The following CNTNAP2 variants were observed in gnomAD, a reference collection of about 807,000 sequenced individuals.
CNTNAP2 encodes the protein contactin-associated protein-like 2.
Under a neutral mutation model 155.2 loss-of-function variants are expected in CNTNAP2, and 98 were observed. That is an observed-to-expected ratio of 0.63 (90% confidence interval 0.54 to 0.75). The LOEUF (loss-of-function observed/expected upper bound fraction) is 0.75, where lower values mean the gene tolerates loss of function less well. Ranked by LOEUF, CNTNAP2 falls within the 30% of genes least tolerant of loss-of-function variation. The pLI is 0.00. For synonymous variants in CNTNAP2, 651 were observed against 631.2 expected (o/e 1.03, Z -0.47); for missense variants, 1,727 against 1,688.1 (o/e 1.02, Z -0.40).
In CNTNAP2 at chr7:147,076,892, A is replaced by G. The variant is rs560144410; in HGVS notation, c.551-31255A>G. Among the ~76,000 whole-genome samples, 4 of 152,318 alleles carry G rather than the reference A, an allele frequency of 2.6e-5. No individual in the cohort carries two copies. In the South Asian group the frequency reaches 6.2e-4, roughly 24 times the overall value. Reference sequence around the variant, plus strand: ...AGGTCAAACTAGCTATTTGCATTTTAAAATAGCTACTTCTCTTTTAATGGA... The same window carrying G: ...AGGTCAAACTAGCTATTTGCATTTTGAAATAGCTACTTCTCTTTTAATGGA... On this transcript the variant is annotated intron_variant, in intron 4 of 23. Coordinates refer to ENST00000361727, the MANE Select transcript of CNTNAP2 (RefSeq NM_014141.6).
intron 13 of CNTNAP2, among the ~76,000 whole-genome samples, chr7:147,717,340 A>G (rs1796496173): frequency 6.6e-6 from 1 of 152,122 alleles, no homozygotes; most frequent in Admixed American, 6.6e-5. Context: ...GGCCAACACT[A>G]ATAATTAGGC....
At chr7:146,630,288 C>G (rs1352944827) in intron 1 of CNTNAP2, among the ~76,000 whole-genome samples, 1 of 152,098 alleles carries the variant, frequency 6.6e-6, no homozygotes, top group African/African-American at 2.4e-5. Flanking sequence ...CCAGCTTCAT[C>G]CATGTCCCTG....
At chr7:147,925,524 T>C (rs1371845503) in intron 14 of CNTNAP2, among the ~76,000 whole-genome samples, 1 of 152,072 alleles carries the variant, frequency 6.6e-6, no homozygotes, top group African/African-American at 2.4e-5. Context: ...TGAAGTGCAG[T>C]GGCGTGATCT....
intron 19 of CNTNAP2, among the ~76,000 whole-genome samples, chr7:148,221,442 G>T (rs1269093573): frequency 6.6e-6 from 1 of 152,150 alleles, no homozygotes; most frequent in Admixed American, 6.5e-5. Flanking sequence ...CTCCAGGGCA[G>T]GCATCTCTGG....
chr7:146,965,782 A>G (rs1404603924), intron 3 of CNTNAP2, among the ~76,000 whole-genome samples: 2 of 152,182 alleles, frequency 1.3e-5, no homozygotes. Context: ...AATGACTAAG[A>G]ATTAGACACA....
intron 1 of CNTNAP2, among the ~76,000 whole-genome samples, chr7:146,163,141 G>A (rs1190092994): frequency 6.6e-6 from 1 of 151,864 alleles, no homozygotes; most frequent in South Asian, 2.1e-4. Context: ...ATGTACCCTA[G>A]AACTTAAAGT....
intron 14 of CNTNAP2, among the ~76,000 whole-genome samples, chr7:147,934,751 T>C (rs1479463132): frequency 6.6e-6 from 1 of 152,314 alleles, no homozygotes; most frequent in Admixed American, 6.5e-5. Flanking sequence ...TCAGAGACTT[T>C]AAATGAATAT....
chr7:147,121,331 C>A, intron 6 of CNTNAP2, 168 bp downstream of exon 6: 1 of 652,086 alleles, frequency 1.5e-6, no homozygotes, highest in South Asian at 2.0e-5. Flanking sequence ...CATTTTATTT[C>A]TAAATTTATA....
At chr7:147,234,123 A>G (rs923058711) in intron 8 of CNTNAP2, among the ~76,000 whole-genome samples, 1 of 151,892 alleles carries the variant, frequency 6.6e-6, no homozygotes, top group Non-Finnish European at 1.5e-5. Flanking sequence ...AGAATACTGA[A>G]GAATAAACTT....
chr7:148,235,674 G>A (rs1439429196), intron 20 of CNTNAP2, among the ~76,000 whole-genome samples: 1 of 146,276 alleles, frequency 6.8e-6, no homozygotes, highest in East Asian at 2.0e-4. Context: ...CCTTACAGCT[G>A]TGCAGCAATT....
chr7:146,832,617 T>C (rs527992525), intron 2 of CNTNAP2, among the ~76,000 whole-genome samples: 1 of 148,200 alleles, frequency 6.7e-6, no homozygotes, highest in African/African-American at 2.4e-5. Flanking sequence ...TATTATATTT[T>C]ATATATTATA....
chr7:147,831,690 T>C (rs1488701245), intron 13 of CNTNAP2: 2 of 152,212 alleles, frequency 1.3e-5, no homozygotes, highest in Non-Finnish European at 2.9e-5. Flanking sequence ...AAAAGAAGTC[T>C]AGTTCTATGT....
chr7:147,184,945 T>C (rs141215753), intron 8 of CNTNAP2, among the ~76,000 whole-genome samples: 3 of 152,266 alleles, frequency 2.0e-5, no homozygotes, highest in African/African-American at 7.2e-5. Flanking sequence ...TGGGAAAACG[T>C]TGGTAATGCC....
intron 1 of CNTNAP2, among the ~76,000 whole-genome samples, chr7:146,248,486 A>G (rs978064887): frequency 6.6e-6 from 1 of 152,156 alleles, no homozygotes; most frequent in African/African-American, 2.4e-5. Context: ...TCCCTAGTCC[A>G]TGACCAGCGC....
chr7:147,121,047 C>T lies in CNTNAP2; in HGVS notation c.823C>T (p.His275Tyr), dbSNP rs765851581. ...GACAGGAAGTTTGCTGGATGACCAC[C>T]ACTGGCACTCTGTGGTCATTGAGCG... ...VMTGSLLDDH[H>Y]WHSVVIERQG... The change falls in exon 6 of 24, where the codon CAC becomes TAC. Residue 275 changes from histidine to tyrosine, a missense_variant. Transcript: ENST00000361727. 4 of 1,614,094 alleles carry T rather than the reference C, an allele frequency of 2.5e-6. No individual in the cohort carries two copies. In the East Asian group the frequency reaches 8.9e-5, roughly 36 times the overall value.
At chr7:146,128,147 A>G (rs1171704429) in intron 1 of CNTNAP2, among the ~76,000 whole-genome samples, 1 of 152,146 alleles carries the variant, frequency 6.6e-6, no homozygotes, top group Non-Finnish European at 1.5e-5. Flanking sequence ...CTATTAGTCC[A>G]CAATCTGCAT....
intron 1 of CNTNAP2, among the ~76,000 whole-genome samples, chr7:146,309,424 G>A (rs1383302969): frequency 1.3e-5 from 2 of 152,074 alleles, no homozygotes; most frequent in African/African-American, 4.8e-5. Context: ...GCGGCCAGTG[G>A]TCCTGACAGC....
chr7:147,640,775 A>G (rs139604358), intron 13 of CNTNAP2, among the ~76,000 whole-genome samples: 2,302 of 152,260 alleles, frequency 0.015, 205 homozygotes, highest in Admixed American at 0.14. Flanking sequence ...TCATACAGAG[A>G]CAGAGAGAGG....
At chr7:146,327,887 T>A (rs549815284) in intron 1 of CNTNAP2, among the ~76,000 whole-genome samples, 5 of 152,342 alleles carry the variant, frequency 3.3e-5, no homozygotes, top group African/African-American at 1.2e-4. Context: ...AATTTGACAT[T>A]GCTAGAAAGA....
Sources: allele counts gnomAD v4.1 joint callset (sites outside exome capture counted in the v4.1 genomes callset), GRCh38; gene constraint gnomAD v4.1.1; transcripts MANE v1.5; gene names NCBI Gene and HGNC (gene_info 2026-07-23, HGNC 2026-07-21).